The following CASZ1 variants were observed in gnomAD, a reference collection of about 807,000 sequenced individuals.
The protein encoded by CASZ1 is castor zinc finger 1.
In CASZ1, 28 loss-of-function variants were observed where a neutral mutation model predicts 135.2. The ratio of observed to expected loss-of-function variants is 0.21; its 90% CI spans 0.15 to 0.28. The LOEUF (loss-of-function observed/expected upper bound fraction) is 0.28, where lower values mean the gene tolerates loss of function less well. Ranked by LOEUF, CASZ1 falls within the 10% of genes least tolerant of loss-of-function variation. The pLI is 1.00. For missense variants in CASZ1, 2,161 were observed against 2,453.3 expected, an observed-to-expected ratio of 0.88 and a Z score of 2.52; for synonymous variants, 1,068 against 1,073.4, an observed-to-expected ratio of 0.99 and a Z score of 0.10.
Position 10,646,652 on chromosome 1 carries a change from C to T in CASZ1, c.3498-326G>A, listed in dbSNP as rs895094493. On this transcript the variant is annotated intron_variant, in intron 16 of 20. Transcript: ENST00000377022. This position sits in a 1 kb window ranked among gnomAD's most constrained non-coding sequence, Gnocchi z 6.4. ...GGATGGCTGTAATAACTTCTTGGATCGGAAAATAAGGATGGTGCTGCCAGC... is the reference window on the plus strand; with the variant it reads ...GGATGGCTGTAATAACTTCTTGGATTGGAAAATAAGGATGGTGCTGCCAGC... Among the ~76,000 whole-genome samples the T allele has an allele frequency of 4.6e-5, 7 of 152,212 alleles. No homozygotes were observed. In the East Asian group the frequency reaches 5.8e-4, roughly 13 times the overall value.
chr1:10,639,122 G>A lies in CASZ1; in HGVS notation c.5100C>T (p.Asp1700=). 4.3e-6 allele frequency: 5 copies of A among 1,152,112 alleles called. No homozygotes were observed. The highest frequency in any genetic ancestry group is 3.8e-5 in the Admixed American group (1 of 26,272). The allele number at this position is 1,152,112 out of a possible 1,614,324, so 71.4% of individuals were successfully genotyped here. A position where few individuals can be genotyped will look rare whatever the true frequency, so the allele number is the denominator to read the frequency against. ...EDDEDEDDDE[D]DDDEDDDEDD... is the part of the protein sequence containing the mutation. ...CCTCGTCGTCGTCCTCGTCGTCGTC[G>A]TCCTCGTCGTCGTCCTCGTCCTCGT... The change falls in exon 21 of 21, where the codon GAC becomes GAT. Residue 1700 remains aspartate (D), a synonymous_variant. Coordinates refer to ENST00000377022, the MANE Select transcript of CASZ1 (RefSeq NM_001079843.3). The surrounding 1 kb of genome is among the most constrained non-coding windows in gnomAD (Gnocchi z 4.0).
chr1:10,678,020 A>G (rs1638288511), intron 4 of CASZ1, among the ~76,000 whole-genome samples: 1 of 152,150 alleles, frequency 6.6e-6, no homozygotes, highest in Non-Finnish European at 1.5e-5. Context: ...TTTCTCTTGC[A>G]GGGACTGAGA....
chr1:10,639,796 T>G lies in CASZ1; in HGVS notation c.4426A>C (p.Lys1476Gln). ...YKFCGRTHMY[K>Q]HAQHHDRVDN... ...ACGCGGTCGTGGTGCTGCGCGTGCT[T>G]GTACATGTGCGTGCGCCCGCAGAAC... Residue 1476 changes from lysine to glutamine, a missense_variant, in exon 21 of 21, where the codon AAG becomes CAG. This residue lies in a region of CASZ1 where 240 missense variants were observed against 321.4 expected (regional missense o/e 0.75). Coordinates refer to ENST00000377022, the MANE Select transcript of CASZ1 (RefSeq NM_001079843.3). The surrounding 1 kb of genome is among the most constrained non-coding windows in gnomAD (Gnocchi z 4.0). The G allele has an allele frequency of 6.2e-7, 1 of 1,607,632 alleles. No individual in the cohort carries two copies.
Position 10,721,704 on chromosome 1 carries a change from C to T in CASZ1, c.-76-16160G>A, listed in dbSNP as rs1443395217. Among the ~76,000 whole-genome samples the T allele has an allele frequency of 1.3e-5, 2 of 152,212 alleles. No homozygotes were observed. Among genetic ancestry groups the T allele is most frequent in the African/African-American group, 4.8e-5 (2 of 41,454 alleles). On this transcript the variant is annotated intron_variant, in intron 2 of 20. Coordinates refer to ENST00000377022, the MANE Select transcript of CASZ1 (RefSeq NM_001079843.3). This position sits in a 1 kb window ranked among gnomAD's most constrained non-coding sequence, Gnocchi z 5.4. ...CACCTCACCACTGACCTGCAAGTGC[C>T]GACCTGCAAACCAGGAAGTGGACGG...
rs1192500449 is a variant in CASZ1 at position 10,694,657 on chromosome 1, G to A, written c.-23-745C>T. ...CGCCCGCCGCCCGCCGCCCGGTGCCGGAGTGAATGGGCTCGCGCTCGCTCG... is the reference window on the plus strand; with the variant it reads ...CGCCCGCCGCCCGCCGCCCGGTGCCAGAGTGAATGGGCTCGCGCTCGCTCG... On this transcript the variant is annotated intron_variant, in intron 3 of 20. Transcript: ENST00000377022. This position sits in a 1 kb window ranked among gnomAD's most constrained non-coding sequence, Gnocchi z 6.6. Among the ~76,000 whole-genome samples, 1 of 142,694 alleles carries A rather than the reference G, an allele frequency of 7.0e-6. No homozygotes were observed. The highest frequency in any genetic ancestry group is 2.5e-5 in the African/African-American group (1 of 39,500). The allele number at this position is 142,694 out of a possible 152,430, so 93.6% of individuals were successfully genotyped here. A position where few individuals can be genotyped will look rare whatever the true frequency, so the allele number is the denominator to read the frequency against.
intron 4 of CASZ1, among the ~76,000 whole-genome samples, chr1:10,683,909 G>A (rs781207886): frequency 5.3e-5 from 8 of 152,210 alleles, no homozygotes; most frequent in East Asian, 1.9e-4. Context: ...GTTTGGGGAC[G>A]TGGGCCAGGC....
rs4845842 is a variant in CASZ1 at position 10,697,594 on chromosome 1, C to A, written c.-23-3682G>T. ...CTGCTATCGCTGGTTCCTGTTACCC[C>A]CCCCGCACCCCCAAGTTGCCCACCT... On this transcript the variant is annotated intron_variant, in intron 3 of 20. Coordinates refer to ENST00000377022, the MANE Select transcript of CASZ1 (RefSeq NM_001079843.3). This position sits in a 1 kb window ranked among gnomAD's most constrained non-coding sequence, Gnocchi z 4.7. Among the ~76,000 whole-genome samples, 2,635 of 151,786 alleles carry A rather than the reference C, an allele frequency of 0.017. 55 individuals are homozygous for A. Among genetic ancestry groups the A allele is most frequent in the Non-Finnish European group, 0.017 (1,169 of 67,930 alleles).
At chr1:10,748,420 A>T (rs1049739406) in intron 2 of CASZ1, among the ~76,000 whole-genome samples, 1 of 152,248 alleles carries the variant, frequency 6.6e-6, no homozygotes, top group African/African-American at 2.4e-5. Flanking sequence ...CCCCTCACTC[A>T]GTACCTACCA....
intron 4 of CASZ1, among the ~76,000 whole-genome samples, chr1:10,668,538 G>C (rs1173148917): frequency 6.6e-6 from 1 of 152,236 alleles, no homozygotes; most frequent in African/African-American, 2.4e-5. Flanking sequence ...GGCGAGGGGA[G>C]GGGCTGCCGA....
At chr1:10,645,772 T>G (rs770963956) in intron 17 of CASZ1, among the ~76,000 whole-genome samples, 12 of 152,210 alleles carry the variant, frequency 7.9e-5, no homozygotes, top group Middle Eastern at 3.2e-3. Context: ...GATCTGACTT[T>G]CCTGTGTGGG....
At chr1:10,748,459 G>C (rs1180224646) in intron 2 of CASZ1, among the ~76,000 whole-genome samples, 1 of 152,226 alleles carries the variant, frequency 6.6e-6, no homozygotes, top group Non-Finnish European at 1.5e-5. Context: ...AGGCATTTTA[G>C]AGAACGCATC....
intron 1 of CASZ1, among the ~76,000 whole-genome samples, chr1:10,784,730 A>T (rs1640825029): frequency 6.6e-6 from 1 of 151,834 alleles, no homozygotes; most frequent in Admixed American, 6.6e-5. Context: ...TACCCGGCTA[A>T]TTTTTTTGTA....
chr1:10,696,834 G>A (rs2100420929), intron 3 of CASZ1, among the ~76,000 whole-genome samples: 1 of 152,386 alleles, frequency 6.6e-6, no homozygotes, highest in South Asian at 2.1e-4. Context: ...GACCCATGAG[G>A]AAGGTGTGGA....
At chr1:10,649,674 G>A (rs1025602787) in intron 13 of CASZ1, 4 of 503,256 alleles carry the variant, frequency 7.9e-6, no homozygotes, top group Non-Finnish European at 1.4e-5. Flanking sequence ...CTCCACATGA[G>A]CCCGTGCCGC....
In CASZ1 at chr1:10,647,579, G is replaced by A. The variant is rs931709900; in HGVS notation, c.3497+222C>T. The A allele has an allele frequency of 1.9e-5, 27 of 1,417,378 alleles. No individual in the cohort carries two copies. The highest frequency in any genetic ancestry group is 2.9e-5 in the African/African-American group (2 of 69,208). 87.8% of individuals were successfully genotyped at this position (1,417,378 alleles called of 1,614,324 possible). On this transcript the variant is annotated intron_variant, in intron 16 of 20. Transcript: ENST00000377022. The surrounding 1 kb of genome is among the most constrained non-coding windows in gnomAD (Gnocchi z 4.9). ...CCCTGCAGGAGCAGTAGCCACTGCCGCCACCATCGGCCCACGCGGGCTGGC... is the reference window on the plus strand; with the variant it reads ...CCCTGCAGGAGCAGTAGCCACTGCCACCACCATCGGCCCACGCGGGCTGGC...
Position 10,653,783 on chromosome 1 carries a change from GGTGGCGGCA to G in CASZ1, c.2265_2273del (p.Ala756_Thr758del), listed in dbSNP as rs1439972055. ...GTTTGGTGGCACTGGGCCCAGCCTCGGTGGCGGCAGTGGCGGCAGCCAGGGACGCAGAGG... is the reference window on the plus strand; with the variant it reads ...GTTTGGTGGCACTGGGCCCAGCCTCGGTGGCGGCAGCCAGGGACGCAGAGG... On this transcript the variant is annotated inframe_deletion, in exon 11 of 21. Transcript: ENST00000377022. 4.3e-6 allele frequency: 7 copies of G among 1,610,772 alleles called. No individual in the cohort carries two copies. The highest frequency in any genetic ancestry group is 1.6e-4 in the Middle Eastern group (1 of 6,068).
At chr1:10,792,222 T>G (rs1488451064) in intron 1 of CASZ1, among the ~76,000 whole-genome samples, 1 of 147,838 alleles carries the variant, frequency 6.8e-6, no homozygotes, top group Non-Finnish European at 1.5e-5. Context: ...GGAGTCAGTT[T>G]TTTTTTTTTT....
chr1:10,779,047 T>C (rs1427159742), intron 1 of CASZ1, among the ~76,000 whole-genome samples: 2 of 152,176 alleles, frequency 1.3e-5, no homozygotes, highest in East Asian at 3.9e-4. Context: ...TGTAGGGAGT[T>C]TGCTTTGGTT....
chr1:10,766,898 T>A (rs1330518935), intron 1 of CASZ1, among the ~76,000 whole-genome samples: 1 of 151,732 alleles, frequency 6.6e-6, no homozygotes, highest in Non-Finnish European at 1.5e-5. Flanking sequence ...CACACACTGG[T>A]ACATGATTTA....
Sources: allele counts gnomAD v4.1 joint callset (sites outside exome capture counted in the v4.1 genomes callset), GRCh38; gene constraint gnomAD v4.1.1; regional missense constraint gnomAD v4.1.1; non-coding constraint Gnocchi (gnomAD v3.1); transcripts MANE v1.5; gene names NCBI Gene and HGNC (gene_info 2026-07-23, HGNC 2026-07-21).